The following WSB2 variants were observed in gnomAD, a reference collection of about 807,000 sequenced individuals.
The protein encoded by WSB2 is WD repeat and SOCS box-containing protein 2.
A neutral mutation model predicts 48.8 loss-of-function variants in WSB2; 12 were observed. That is an observed-to-expected ratio of 0.25 (90% CI 0.16 to 0.40). WSB2 has a LOEUF of 0.40. WSB2 is among the 10% of genes least tolerant of loss of function. WSB2 has a pLI of 1.00. For missense variants in WSB2, 317 were observed against 506.2 expected (o/e 0.63, Z 3.59); for synonymous variants, 191 against 203.1 (o/e 0.94, Z 0.51).
At chr12:118,047,366 G>A (rs1170623331) in intron 2 of WSB2, among the ~76,000 whole-genome samples, 1 of 151,980 alleles carries the variant, frequency 6.6e-6, no homozygotes, top group Non-Finnish European at 1.5e-5. Flanking sequence ...AAGAGCTGAT[G>A]AGGCAAGACA....
intron 2 of WSB2, among the ~76,000 whole-genome samples, chr12:118,049,303 C>T (rs1309669453): frequency 6.6e-6 from 1 of 152,146 alleles, no homozygotes; most frequent in East Asian, 1.9e-4. Context: ...TTTTCGTAAC[C>T]ATCCTCTCAT....
Position 118,032,960 on chromosome 12 carries a change from A to T in WSB2, c.*1236T>A, listed in dbSNP as rs1248031938. 1.3e-5 allele frequency: 2 copies of T among 152,156 alleles called. No individual in the cohort carries two copies. Among genetic ancestry groups the T allele is most frequent in the Non-Finnish European group, 2.9e-5 (2 of 68,028 alleles). 9.4% of individuals were successfully genotyped at this position (152,156 alleles called of 1,614,324 possible). ...TCAATGAAAGCCTCTCATTTTGAAA[A>T]GACATGTTTTTCTTCAAGCAACAAA... On this transcript the variant is annotated 3_prime_UTR_variant, in exon 9 of 9. Transcript: ENST00000315436.
chr12:118,060,762 G>A lies in WSB2; in HGVS notation c.13+274C>T, dbSNP rs1156530491. Among the ~76,000 whole-genome samples the A allele has an allele frequency of 6.6e-6, 1 of 151,862 alleles. No individual in the cohort carries two copies. The highest frequency in any genetic ancestry group is 1.5e-5 in the Non-Finnish European group (1 of 67,898). On this transcript the variant is annotated intron_variant, in intron 1 of 8. Coordinates refer to ENST00000315436, the MANE Select transcript of WSB2 (RefSeq NM_018639.5). This position sits in a 1 kb window ranked among gnomAD's most constrained non-coding sequence, Gnocchi z 4.1. ...CCCACCCGGGAGCCCCCTCTGTCCC[G>A]GTCGGGGGATCTCCTCCCGCAGAAG...
intron 4 of WSB2, chr12:118,042,368 C>T (rs751799157): frequency 5.7e-5 from 9 of 158,684 alleles, no homozygotes; most frequent in African/African-American, 1.4e-4. Context: ...AGACCAGGCA[C>T]GCTGCTCAGT....
In WSB2 at chr12:118,039,934, C is replaced by T. The variant is rs994643844; in HGVS notation, c.560-1546G>A. Among the ~76,000 whole-genome samples, 12 of 151,798 alleles carry T rather than the reference C, an allele frequency of 7.9e-5. No individual in the cohort carries two copies. The East Asian group carries it at 1.2e-3, about 15-fold the overall frequency. On this transcript the variant is annotated intron_variant, in intron 4 of 8. Coordinates refer to ENST00000315436, the MANE Select transcript of WSB2 (RefSeq NM_018639.5). Reference sequence around the variant, plus strand: ...AATTTTTACATATTTTTAGTAGAGCCGGAGTTTCACCATGTTGGCTAGGCT... The same window carrying T: ...AATTTTTACATATTTTTAGTAGAGCTGGAGTTTCACCATGTTGGCTAGGCT...
chr12:118,042,442 G>A (rs1290334937), intron 4 of WSB2: 4 of 182,668 alleles, frequency 2.2e-5, no homozygotes, highest in East Asian at 1.5e-4. Context: ...CCATAGTGCC[G>A]ATGAGAAAAC....
rs911822370 is a variant in WSB2, at chr12:118,053,051, A to G, written c.14-573T>C. Among the ~76,000 whole-genome samples, 5 of 151,890 alleles carry G rather than the reference A, an allele frequency of 3.3e-5. No individual in the cohort carries two copies. In the East Asian group the frequency reaches 7.7e-4, roughly 23 times the overall value. ...CTGTCTGGGGTTAAACCTTCATCTC[A>G]TCTCACCCAGATCTTTTGCTACAGT... is the stretch of plus-strand genomic sequence containing the variant. On this transcript the variant is annotated intron_variant, in intron 1 of 8. Transcript: ENST00000315436.
chr12:118,038,470 AGC>A, intron 4 of WSB2, 82 bp from the exon 5 acceptor site: 5 of 1,314,072 alleles, frequency 3.8e-6, no homozygotes, highest in Non-Finnish European at 4.3e-6. Context: ...GGGTGGTAAC[AGC>A]CCCCAGCCCA....
In WSB2 at chr12:118,032,861, G is replaced by C. The variant is rs1242310249; in HGVS notation, c.*1335C>G. ...CCCAGCCCTGCTTGTTTTAAAAGGG[G>C]ACTTTTTTTTTTCTTAATGGAAAAA... On this transcript the variant is annotated 3_prime_UTR_variant, in exon 9 of 9. Coordinates refer to ENST00000315436, the MANE Select transcript of WSB2 (RefSeq NM_018639.5). The C allele has an allele frequency of 6.6e-6, 1 of 151,844 alleles. No individual in the cohort carries two copies. Among genetic ancestry groups the C allele is most frequent in the Non-Finnish European group, 1.5e-5 (1 of 67,938 alleles). The allele number at this position is 151,844 out of a possible 1,614,324, so 9.4% of individuals were successfully genotyped here.
chr12:118,054,215 TCCAAA>T (rs1159666805), intron 1 of WSB2, among the ~76,000 whole-genome samples: 14 of 22,800 alleles, frequency 6.1e-4, no homozygotes, highest in African/African-American at 1.4e-3. Flanking sequence ...CTACTAAAAA[TCCAAA>T]AAAAAAAAAA....
At position 118,060,222 on chromosome 12, in the gene WSB2, G is replaced by A. The variant is rs2032035814; in HGVS notation, c.13+814C>T. On this transcript the variant is annotated intron_variant, in intron 1 of 8. Transcript: ENST00000315436. This position sits in a 1 kb window ranked among gnomAD's most constrained non-coding sequence, Gnocchi z 4.1. ...GGGGTTTTTTTCCCCTTGCATAAGA[G>A]ACACACCTTTCCCACTGAGATTTTA... is the stretch of plus-strand genomic sequence containing the variant. Among the ~76,000 whole-genome samples, 1 of 152,162 alleles carries A rather than the reference G, an allele frequency of 6.6e-6. No homozygotes were observed. Among genetic ancestry groups the A allele is most frequent in the African/African-American group, 2.4e-5 (1 of 41,436 alleles).
upstream of WSB2, chr12:118,061,240 A>T: frequency 1.1e-6 from 1 of 908,356 alleles, no homozygotes; most frequent in Non-Finnish European, 1.3e-6. Flanking sequence ...GGGGAAACGG[A>T]GGGGGGGTGC....
intron 2 of WSB2, among the ~76,000 whole-genome samples, 185 bp from the exon 3 acceptor site, chr12:118,043,562 G>A (rs1186194071): frequency 6.6e-6 from 1 of 152,134 alleles, no homozygotes; most frequent in Non-Finnish European, 1.5e-5. Flanking sequence ...TCCTGCCTCA[G>A]ATCCACCAAG....
At chr12:118,054,221 A>C (rs942839362) in intron 1 of WSB2, among the ~76,000 whole-genome samples, 5 of 147,510 alleles carry the variant, frequency 3.4e-5, no homozygotes, top group South Asian at 2.1e-4. Context: ...AAAATCCAAA[A>C]AAAAAAAAAA....
At chr12:118,036,219 C>G in intron 6 of WSB2, 119 bp downstream of exon 6, 2 of 1,231,094 alleles carry the variant, frequency 1.6e-6, no homozygotes, top group Non-Finnish European at 2.3e-6. Context: ...ACCCACTGTG[C>G]CTTTTTATCC....
chr12:118,061,268 T>TG (rs1289656848), upstream of WSB2: 1 of 609,950 alleles, frequency 1.6e-6, no homozygotes, highest in Non-Finnish European at 1.9e-6. Flanking sequence ...ATAAAAACGG[T>TG]GGGGGGCAGC....
At chr12:118,043,737 C>G (rs1376901161) in intron 2 of WSB2, among the ~76,000 whole-genome samples, 1 of 152,032 alleles carries the variant, frequency 6.6e-6, no homozygotes, top group Admixed American at 6.5e-5. Flanking sequence ...ATAAGCCACC[C>G]CACCCGGCCA....
intron 4 of WSB2, among the ~76,000 whole-genome samples, chr12:118,039,389 G>A (rs888936167): frequency 2.0e-5 from 3 of 152,194 alleles, no homozygotes; most frequent in Non-Finnish European, 4.4e-5. Flanking sequence ...GATTTTCCAT[G>A]GGGTACCTAC....
intron 6 of WSB2, chr12:118,035,942 A>C (rs2031499612): frequency 1.2e-5 from 2 of 167,724 alleles, no homozygotes; most frequent in South Asian, 3.1e-4. Context: ...GCAGTGGCTC[A>C]TGCCTATAAT....
Sources: allele counts gnomAD v4.1 joint callset (sites outside exome capture counted in the v4.1 genomes callset), GRCh38; gene constraint gnomAD v4.1.1; non-coding constraint Gnocchi (gnomAD v3.1); transcripts MANE v1.5; gene names NCBI Gene and HGNC (gene_info 2026-07-23, HGNC 2026-07-21).